Variants in XRCC4 observed in about 807,000 individuals in gnomAD.
The protein encoded by XRCC4 is DNA repair protein XRCC4.
Under a neutral mutation model 39.1 loss-of-function variants are expected in XRCC4, and 28 were observed. The observed-to-expected ratio is 0.72, with a 90% CI of 0.53 to 0.98. XRCC4 has a LOEUF of 0.98. XRCC4 is among the 50% of genes least tolerant of loss of function. The probability of loss-of-function intolerance (pLI) is 0.00; values close to 1 mark genes in which losing one functional copy is unlikely to be tolerated. For missense variants in XRCC4, 350 were observed against 376.4 expected, an observed-to-expected ratio of 0.93 and a Z score of 0.58; for synonymous variants, 123 against 126.4, an observed-to-expected ratio of 0.97 and a Z score of 0.18.
intron 3 of XRCC4, among the ~76,000 whole-genome samples, chr5:83,192,438 G>A (rs1750752826): frequency 6.6e-6 from 1 of 151,460 alleles, no homozygotes; most frequent in Admixed American, 6.6e-5. Flanking sequence ...CTCCTGAGTA[G>A]CTGGGACTAC....
intron 7 of XRCC4, among the ~76,000 whole-genome samples, chr5:83,278,023 G>A (rs1754395927): frequency 6.6e-6 from 1 of 152,150 alleles, no homozygotes; most frequent in Non-Finnish European, 1.5e-5. Context: ...AGTAGGTTTT[G>A]TTATTTACAG....
At chr5:83,182,819 C>T (rs1350608784) in intron 3 of XRCC4, among the ~76,000 whole-genome samples, 2 of 152,092 alleles carry the variant, frequency 1.3e-5, no homozygotes, top group Non-Finnish European at 2.9e-5. Flanking sequence ...TGCAGCAAGA[C>T]GGTGCCCTCT....
chr5:83,263,855 T>C (rs1027523364), intron 7 of XRCC4, among the ~76,000 whole-genome samples: 5 of 150,912 alleles, frequency 3.3e-5, no homozygotes, highest in Admixed American at 6.6e-5. Flanking sequence ...TTTAATTAGA[T>C]CCCATTTGTC....
intron 1 of XRCC4, among the ~76,000 whole-genome samples, chr5:83,098,326 C>T (rs1237298768): frequency 6.6e-6 from 1 of 152,098 alleles, no homozygotes; most frequent in African/African-American, 2.4e-5. Context: ...ATTATGTTAG[C>T]AGTTATAACT....
At chr5:83,214,472 A>G (rs1751773908) in intron 6 of XRCC4, among the ~76,000 whole-genome samples, 1 of 152,176 alleles carries the variant, frequency 6.6e-6, no homozygotes, top group Non-Finnish European at 1.5e-5. Context: ...CTATAATCCC[A>G]GAAACTCATG....
intron 1 of XRCC4, among the ~76,000 whole-genome samples, chr5:83,092,178 G>T (rs1745459938): frequency 6.6e-6 from 1 of 152,038 alleles, no homozygotes; most frequent in Admixed American, 6.6e-5. Flanking sequence ...ACCTATTCAG[G>T]TCAATAGCTC....
chr5:83,221,060 T>C (rs1270142856), intron 6 of XRCC4, among the ~76,000 whole-genome samples: 19 of 152,170 alleles, frequency 1.2e-4, no homozygotes, highest in Admixed American at 1.2e-3. Context: ...GCATAACTTC[T>C]AGAAGTATTT....
chr5:83,223,993 C>G (rs996336780), intron 6 of XRCC4, among the ~76,000 whole-genome samples: 1 of 151,814 alleles, frequency 6.6e-6, no homozygotes, highest in Non-Finnish European at 1.5e-5. Flanking sequence ...TGTATATGTG[C>G]CACATTTTCT....
chr5:83,258,418 G>A (rs1359154193), intron 6 of XRCC4, 112 bp from the exon 7 acceptor site: 1 of 1,295,074 alleles, frequency 7.7e-7, no homozygotes, highest in African/African-American at 1.5e-5. Context: ...TGAAAGAATA[G>A]TTTTGCTATA....
At chr5:83,250,770 T>A (rs1180949317) in intron 6 of XRCC4, among the ~76,000 whole-genome samples, 2 of 152,206 alleles carry the variant, frequency 1.3e-5, no homozygotes, top group Admixed American at 6.5e-5. Flanking sequence ...CAGGGCCACC[T>A]GATTGTAAGG....
chr5:83,181,687 C>T (rs989963531), intron 3 of XRCC4, among the ~76,000 whole-genome samples: 2 of 152,084 alleles, frequency 1.3e-5, no homozygotes, highest in Non-Finnish European at 2.9e-5. Flanking sequence ...AAAGGGAACA[C>T]AGGTAAGCCA....
At chr5:83,114,276 C>G (rs150113837) in intron 3 of XRCC4, among the ~76,000 whole-genome samples, 5 of 152,194 alleles carry the variant, frequency 3.3e-5, no homozygotes, top group African/African-American at 1.2e-4. Flanking sequence ...TAACATTTGG[C>G]TCCTTATTAC....
rs187605668 is a variant in XRCC4, at chr5:83,183,873, A to G, written c.316-11897A>G. 8.6e-4 allele frequency among the ~76,000 whole-genome samples: 131 copies of G among 152,302 alleles called. No individual in the cohort carries two copies. In the Middle Eastern group the frequency reaches 0.01, roughly 12 times the overall value. On this transcript the variant is annotated intron_variant, in intron 3 of 7. Coordinates refer to ENST00000396027, the MANE Select transcript of XRCC4 (RefSeq NM_003401.5). Reference sequence around the variant, plus strand: ...GATGCTAATAGATGTTAACTATCTTATGGGCAATTTTCTTATTAAAAACAC... The same window carrying G: ...GATGCTAATAGATGTTAACTATCTTGTGGGCAATTTTCTTATTAAAAACAC...
chr5:83,135,738 T>A (rs1031529133), intron 3 of XRCC4, among the ~76,000 whole-genome samples: 1 of 152,180 alleles, frequency 6.6e-6, no homozygotes, highest in Non-Finnish European at 1.5e-5. Context: ...ATCTCAGGCA[T>A]GGTGATTTTT....
intron 6 of XRCC4, among the ~76,000 whole-genome samples, chr5:83,233,134 A>T (rs769973444): frequency 5.9e-5 from 9 of 152,224 alleles, no homozygotes; most frequent in Admixed American, 3.3e-4. Flanking sequence ...GTCAATTATC[A>T]TACTGGAAAA....
At chr5:83,148,914 CA>C in intron 3 of XRCC4, among the ~76,000 whole-genome samples, 1 of 152,056 alleles carries the variant, frequency 6.6e-6, no homozygotes, top group Non-Finnish European at 1.5e-5. Flanking sequence ...AAAATTAATA[CA>C]TTTTTTGTAA....
At chr5:83,088,560 C>A (rs1488850986) in intron 1 of XRCC4, among the ~76,000 whole-genome samples, 1 of 152,156 alleles carries the variant, frequency 6.6e-6, no homozygotes, top group African/African-American at 2.4e-5. Flanking sequence ...CTTTTCAGAT[C>A]AGCATTTTAA....
chr5:83,314,918 T>G (rs1755827613), intron 7 of XRCC4, among the ~76,000 whole-genome samples: 1 of 152,048 alleles, frequency 6.6e-6, no homozygotes, highest in African/African-American at 2.4e-5. Flanking sequence ...GGCCTCTAAG[T>G]GTTCAGATGA....
intron 6 of XRCC4, among the ~76,000 whole-genome samples, chr5:83,251,695 A>G (rs541463797): frequency 2.0e-5 from 3 of 152,236 alleles, no homozygotes; most frequent in African/African-American, 7.2e-5. Flanking sequence ...TAGATTTCCA[A>G]AGATGACCTC....
Sources: allele counts gnomAD v4.1 joint callset (sites outside exome capture counted in the v4.1 genomes callset), GRCh38; gene constraint gnomAD v4.1.1; transcripts MANE v1.5; gene names NCBI Gene and HGNC (gene_info 2026-07-23, HGNC 2026-07-21).